RHOT1: variants seen among roughly 807,000 people sequenced by gnomAD.
RHOT1 encodes the protein mitochondrial Rho GTPase 1.
In RHOT1, 27 loss-of-function variants were observed where a neutral mutation model predicts 95.3. The observed-to-expected ratio is 0.28, with a 90% CI of 0.21 to 0.39. The LOEUF is 0.39. Ranked by LOEUF, RHOT1 falls within the 10% of genes least tolerant of loss-of-function variation. The pLI is 1.00. For missense variants in RHOT1, 578 were observed against 786.7 expected (o/e 0.73, Z 3.17); for synonymous variants, 227 against 263.5 (o/e 0.86, Z 1.34).
intron 1 of RHOT1, chr17:32,150,947 T>A: frequency 6.4e-7 from 1 of 1,551,926 alleles, no homozygotes; most frequent in South Asian, 1.2e-5. Context: ...CTGGTTTGGT[T>A]GCTTTGCTGA....
chr17:32,155,077 C>T (rs1195389503), intron 1 of RHOT1, among the ~76,000 whole-genome samples: 1 of 151,940 alleles, frequency 6.6e-6, no homozygotes, highest in African/African-American at 2.4e-5. Flanking sequence ...GAACAAGATC[C>T]TGTCTCAAAA....
intron 14 of RHOT1, 30 bp from the exon 15 acceptor site, chr17:32,202,740 A>T: frequency 6.6e-7 from 1 of 1,503,818 alleles, no homozygotes; most frequent in Non-Finnish European, 9.0e-7. Flanking sequence ...GTACATATTT[A>T]GTGGGGTTTT....
At chr17:32,205,110 A>G (rs917359857) in intron 16 of RHOT1, among the ~76,000 whole-genome samples, 1 of 150,868 alleles carries the variant, frequency 6.6e-6, no homozygotes, top group Non-Finnish European at 1.5e-5. Flanking sequence ...TCAACCCATC[A>G]TCTAGGTTTT....
intron 8 of RHOT1, among the ~76,000 whole-genome samples, chr17:32,186,888 C>T (rs1407660229): frequency 6.6e-6 from 1 of 152,168 alleles, no homozygotes; most frequent in African/African-American, 2.4e-5. Flanking sequence ...TCTTGAACTT[C>T]TAGCCTCAAA....
chr17:32,198,762 A>G (rs746663326), intron 11 of RHOT1, among the ~76,000 whole-genome samples, 185 bp from the exon 12 acceptor site: 28 of 152,342 alleles, frequency 1.8e-4, no homozygotes, highest in Admixed American at 2.6e-4. Flanking sequence ...GAGCATTATT[A>G]TGACTCTTCT....
chr17:32,177,901 T>C (rs2035150246), intron 6 of RHOT1, among the ~76,000 whole-genome samples: 1 of 150,266 alleles, frequency 6.7e-6, no homozygotes, highest in Non-Finnish European at 1.5e-5. Context: ...CTTGGCTCAC[T>C]GCAACCTCTG....
At chr17:32,163,346 T>G (rs1198082413) in intron 1 of RHOT1, among the ~76,000 whole-genome samples, 1 of 152,040 alleles carries the variant, frequency 6.6e-6, no homozygotes, top group Non-Finnish European at 1.5e-5. Context: ...CAAAGGAAAA[T>G]TTGACAGATC....
intron 1 of RHOT1, among the ~76,000 whole-genome samples, chr17:32,149,613 A>ATGTGTGTGTGTG (rs1261403430): frequency 3.7e-5 from 3 of 82,164 alleles, no homozygotes; most frequent in African/African-American, 2.2e-4. Context: ...ATATATATAT[A>ATGTGTGTGTGTG]TATATATATA....
chr17:32,157,547 C>T lies in RHOT1; in HGVS notation c.38-13496C>T, dbSNP rs1215503846. Among the ~76,000 whole-genome samples the T allele has an allele frequency of 2.6e-5, 4 of 152,146 alleles. No individual in the cohort carries two copies. The East Asian group carries it at 7.7e-4, about 29-fold the overall frequency. ...CATGTGTTGGCTGGGCGCAGTAGCTCATGCCTATAATCCATTTGGGAGGTC... is the reference window on the plus strand; with the variant it reads ...CATGTGTTGGCTGGGCGCAGTAGCTTATGCCTATAATCCATTTGGGAGGTC... On this transcript the variant is annotated intron_variant, in intron 1 of 19. Transcript: ENST00000545287.
Position 32,202,782 on chromosome 17 carries a change from A to G in RHOT1, c.1214A>G (p.Lys405Arg), listed in dbSNP as rs1317917477. ...QASAVTVTRD[K>R]KIDLQKKQTQ... The stretch of plus-strand genomic sequence containing the variant: ...TTATTATTTTTAGTGACAAGAGATA[A>G]AAAGATAGACCTGCAGAAAAAACAA... The change falls in exon 15 of 20, where the codon AAA (lysine) becomes AGA (arginine). Residue 405 changes from lysine to arginine, a missense_variant. Physicochemically the swap from Lys to Arg is conservative, Grantham distance 26 (BLOSUM62 2). Coordinates refer to ENST00000545287, the MANE Select transcript of RHOT1 (RefSeq NM_001033566.3). 4 of 1,585,268 alleles carry G rather than the reference A, an allele frequency of 2.5e-6. No individual in the cohort carries two copies. Among genetic ancestry groups the G allele is most frequent in the Non-Finnish European group, 3.4e-6 (4 of 1,162,322 alleles).
chr17:32,154,041 A>AGT (rs1484516885), intron 1 of RHOT1, among the ~76,000 whole-genome samples: 2 of 151,694 alleles, frequency 1.3e-5, no homozygotes, highest in Admixed American at 1.3e-4. Context: ...GGTGGCTCAT[A>AGT]CCTTTAGTCC....
intron 1 of RHOT1, among the ~76,000 whole-genome samples, chr17:32,145,626 T>G (rs531812139): frequency 1.1e-4 from 17 of 152,324 alleles, no homozygotes; most frequent in African/African-American, 4.1e-4. Flanking sequence ...TTTTTTATTT[T>G]TAATTTTTTT....
In RHOT1 at chr17:32,215,503, G is replaced by A. The variant is rs73268542; in HGVS notation, c.1862+4265G>A. Among the ~76,000 whole-genome samples the A allele has an allele frequency of 1.8e-3, 276 of 152,144 alleles. 1 individual carries two copies. The highest frequency in any genetic ancestry group is 6.3e-3 in the African/African-American group (260 of 41,500). ...AAGAATATATGGAACCTGCCTTTAA[G>A]CATCTTTCTAAATATTATTTCTCTA... is the stretch of plus-strand genomic sequence containing the variant. On this transcript the variant is annotated intron_variant, in intron 19 of 19. Coordinates refer to ENST00000545287, the MANE Select transcript of RHOT1 (RefSeq NM_001033566.3).
intron 18 of RHOT1, chr17:32,209,704 G>A (rs1171235587): frequency 3.2e-6 from 1 of 315,196 alleles, no homozygotes; most frequent in African/African-American, 2.2e-5. Context: ...TCTGTTGTGT[G>A]TGTGTGTGTT....
chr17:32,151,213 G>C, intron 1 of RHOT1: 2 of 748,686 alleles, frequency 2.7e-6, no homozygotes, highest in South Asian at 1.3e-5. Flanking sequence ...ACATGGTCTG[G>C]CTAAACAGAG....
At chr17:32,168,287 A>G (rs529516668) in intron 1 of RHOT1, among the ~76,000 whole-genome samples, 2 of 152,128 alleles carry the variant, frequency 1.3e-5, no homozygotes, top group African/African-American at 4.8e-5. Context: ...TTTTTCCTCC[A>G]GACAGAGTTT....
chr17:32,190,566 C>A (rs986369001), intron 8 of RHOT1, among the ~76,000 whole-genome samples: 2 of 152,014 alleles, frequency 1.3e-5, no homozygotes, highest in Non-Finnish European at 2.9e-5. Flanking sequence ...AGATTAGGTT[C>A]TGTTTTGTAT....
At chr17:32,173,710 T>C in intron 2 of RHOT1, 121 bp from the exon 3 acceptor site, 1 of 512,882 alleles carries the variant, frequency 1.9e-6, no homozygotes, top group Middle Eastern at 6.0e-4. Flanking sequence ...GAGACTCCAT[T>C]AAAAAAAAAA....
chr17:32,148,557 A>T (rs2031739772), intron 1 of RHOT1, among the ~76,000 whole-genome samples: 1 of 152,208 alleles, frequency 6.6e-6, no homozygotes, highest in African/African-American at 2.4e-5. Flanking sequence ...TGCAGGCCAC[A>T]TCATCTGCAT....
Sources: gnomAD v4.1 joint callset for allele counts (sites outside exome capture counted in the v4.1 genomes callset) on GRCh38, gnomAD v4.1.1 for gene constraint, MANE v1.5 for transcripts, NCBI Gene and HGNC (gene_info 2026-07-23, HGNC 2026-07-21) for gene names.